DENND1A: variants seen among roughly 807,000 people sequenced by gnomAD.
The protein encoded by DENND1A is DENN domain containing 1A.
A neutral mutation model predicts 113.7 loss-of-function variants in DENND1A; 51 were observed. The observed-to-expected ratio is 0.45, with a 90% CI of 0.36 to 0.57. The LOEUF (loss-of-function observed/expected upper bound fraction) is 0.57, where lower values mean the gene tolerates loss of function less well. Ranked by LOEUF, DENND1A falls within the 20% of genes least tolerant of loss-of-function variation. DENND1A has a pLI of 0.00. For synonymous variants in DENND1A, 565 were observed against 570.8 expected (o/e 0.99, Z 0.14); for missense variants, 1,258 against 1,395.9 (o/e 0.90, Z 1.57).
intron 5 of DENND1A, among the ~76,000 whole-genome samples, chr9:123,714,820 G>A (rs1457247202): frequency 6.6e-6 from 1 of 152,092 alleles, no homozygotes; most frequent in African/African-American, 2.4e-5. Flanking sequence ...TGGTTGCTAG[G>A]AATATATTTC....
intron 2 of DENND1A, among the ~76,000 whole-genome samples, chr9:123,865,874 C>T (rs1845739469): frequency 6.6e-6 from 1 of 152,090 alleles, no homozygotes; most frequent in Admixed American, 6.6e-5. Flanking sequence ...ATCCTCTAAA[C>T]CAAATTTCTC....
chr9:123,728,406 G>T (rs2067871078), intron 5 of DENND1A, among the ~76,000 whole-genome samples: 1 of 145,016 alleles, frequency 6.9e-6, no homozygotes, highest in African/African-American at 2.6e-5. Flanking sequence ...GAACCCAGGA[G>T]GCAGAGGTTA....
Position 123,380,116 on chromosome 9 carries a change from G to C in DENND1A, c.*1316C>G, listed in dbSNP as rs570971348. The C allele has an allele frequency of 1.3e-5, 2 of 152,354 alleles. No individual in the cohort carries two copies. The highest frequency in any genetic ancestry group is 4.1e-4 in the South Asian group (2 of 4,826). 9.4% of individuals were successfully genotyped at this position (152,354 alleles called of 1,614,324 possible). A position where few individuals can be genotyped will look rare whatever the true frequency, so the allele number is the denominator to read the frequency against. On this transcript the variant is annotated 3_prime_UTR_variant, in exon 24 of 24. Coordinates refer to ENST00000394215, the MANE Select transcript of DENND1A (RefSeq NM_001352964.2). ...TCTCCAGAGACCCCCTTGTCCCCCAGACACCCCTGGGTAGACTGTGTCTGA... is the reference window on the plus strand; with the variant it reads ...TCTCCAGAGACCCCCTTGTCCCCCACACACCCCTGGGTAGACTGTGTCTGA...
intron 11 of DENND1A, among the ~76,000 whole-genome samples, chr9:123,598,801 A>G (rs138511640): frequency 1.3e-5 from 2 of 152,308 alleles, no homozygotes; most frequent in African/African-American, 2.4e-5. Context: ...TTTGCAGTTA[A>G]ATGCTGAAGA....
At chr9:123,815,993 CT>C (rs1170659580) in intron 2 of DENND1A, among the ~76,000 whole-genome samples, 827 of 79,730 alleles carry the variant, frequency 0.01, no homozygotes, top group African/African-American at 0.033. Flanking sequence ...AGTGACTGTA[CT>C]TTTTTTTTTT....
At chr9:123,574,349 C>T (rs952223101) in intron 12 of DENND1A, among the ~76,000 whole-genome samples, 1 of 151,914 alleles carries the variant, frequency 6.6e-6, no homozygotes, top group African/African-American at 2.4e-5. Flanking sequence ...GGGAGGCTCT[C>T]TGGGCCTAGG....
At chr9:123,792,171 T>C (rs1833086955) in intron 3 of DENND1A, among the ~76,000 whole-genome samples, 2 of 152,176 alleles carry the variant, frequency 1.3e-5, no homozygotes, top group South Asian at 4.1e-4. Context: ...ACACATAATT[T>C]CATCATCTAT....
At chr9:123,807,692 T>G (rs1835831008) in intron 2 of DENND1A, among the ~76,000 whole-genome samples, 4 of 152,198 alleles carry the variant, frequency 2.6e-5, no homozygotes, top group Non-Finnish European at 5.9e-5. Context: ...TTTCCTGGGA[T>G]AGATTAATTC....
intron 18 of DENND1A, among the ~76,000 whole-genome samples, chr9:123,446,640 C>A (rs2047327049): frequency 6.6e-6 from 1 of 151,972 alleles, no homozygotes. Context: ...GTATGGGCAA[C>A]ACAGCAAAAC....
At chr9:123,716,717 A>G (rs2066999295) in intron 5 of DENND1A, among the ~76,000 whole-genome samples, 3 of 152,332 alleles carry the variant, frequency 2.0e-5, no homozygotes, top group Admixed American at 2.0e-4. Context: ...AACAAAATTA[A>G]TTGCCTTTGT....
chr9:123,763,827 T>C (rs993386948), intron 4 of DENND1A, among the ~76,000 whole-genome samples: 1 of 152,098 alleles, frequency 6.6e-6, no homozygotes, highest in Non-Finnish European at 1.5e-5. Context: ...AGGTTTTAGA[T>C]GACCTCGATA....
At chr9:123,878,414 T>C (rs1476202195) in intron 2 of DENND1A, among the ~76,000 whole-genome samples, 1 of 152,154 alleles carries the variant, frequency 6.6e-6, no homozygotes, top group Non-Finnish European at 1.5e-5. Flanking sequence ...AGGACCCTCT[T>C]GTCCAGGAAC....
intron 13 of DENND1A, among the ~76,000 whole-genome samples, chr9:123,459,811 GA>G (rs2048397155): frequency 6.6e-6 from 1 of 152,086 alleles, no homozygotes; most frequent in African/African-American, 2.4e-5. Flanking sequence ...TAAGTTCTAA[GA>G]GTTCTTCCTG....
intron 13 of DENND1A, among the ~76,000 whole-genome samples, chr9:123,491,717 A>G (rs1198973807): frequency 6.6e-6 from 1 of 152,158 alleles, no homozygotes; most frequent in Non-Finnish European, 1.5e-5. Context: ...CCCATCCAGG[A>G]CCCTGGGAGC....
At chr9:123,711,505 GTATATATGTATA>G (rs1027192462) in intron 5 of DENND1A, among the ~76,000 whole-genome samples, 18 of 62,558 alleles carry the variant, frequency 2.9e-4, no homozygotes, top group East Asian at 7.1e-4. Flanking sequence ...ATATATATAT[GTATATATGTATA>G]TATATATATA....
intron 2 of DENND1A, among the ~76,000 whole-genome samples, chr9:123,825,373 AT>A (rs375665004): frequency 2.6e-4 from 40 of 151,858 alleles, no homozygotes; most frequent in African/African-American, 8.7e-4. Context: ...TGCCTCTGAG[AT>A]TTTTTTTCTC....
intron 22 of DENND1A, among the ~76,000 whole-genome samples, chr9:123,384,296 G>A (rs1339170839): frequency 6.6e-6 from 1 of 152,240 alleles, no homozygotes; most frequent in Non-Finnish European, 1.5e-5. Flanking sequence ...TCTTGCTCCC[G>A]CCCTGCTCTG....
Position 123,792,568 on chromosome 9 carries a change from T to C in DENND1A, c.132+19A>G, listed in dbSNP as rs1309562051. 12 of 1,611,142 alleles carry C rather than the reference T, an allele frequency of 7.4e-6. No individual in the cohort carries two copies. Among genetic ancestry groups the C allele is most frequent in the Non-Finnish European group, 1.0e-5 (12 of 1,178,570 alleles). On this transcript the variant is annotated intron_variant, in intron 3 of 23. Coordinates refer to ENST00000394215, the MANE Select transcript of DENND1A (RefSeq NM_001352964.2). ...GAAATAAATTTTGTCATGTAAAAAA[T>C]TAATTACGCATTCCGAACCTGGTCA...
At chr9:123,616,815 G>A (rs1224788214) in intron 10 of DENND1A, among the ~76,000 whole-genome samples, 2 of 152,218 alleles carry the variant, frequency 1.3e-5, no homozygotes, top group African/African-American at 4.8e-5. Flanking sequence ...CAGTCAACAG[G>A]TATCACTAAT....
Sources: gnomAD v4.1 joint callset for allele counts (sites outside exome capture counted in the v4.1 genomes callset) on GRCh38, gnomAD v4.1.1 for gene constraint, MANE v1.5 for transcripts, NCBI Gene and HGNC (gene_info 2026-07-23, HGNC 2026-07-21) for gene names.